Variants in TMEM120B observed in about 807,000 individuals in gnomAD.
TMEM120B encodes the protein transmembrane protein 120B.
A neutral mutation model predicts 55.5 loss-of-function variants in TMEM120B; 31 were observed. The observed-to-expected ratio is 0.56, with a 90% confidence interval of 0.42 to 0.75. The LOEUF (loss-of-function observed/expected upper bound fraction) is 0.75, where lower values mean the gene tolerates loss of function less well. TMEM120B is among the 30% of genes least tolerant of loss of function. The probability of loss-of-function intolerance (pLI) is 0.00; values close to 1 mark genes in which losing one functional copy is unlikely to be tolerated. For missense variants in TMEM120B, 399 were observed against 425.5 expected (o/e 0.94, Z 0.55); for synonymous variants, 203 against 176.3 (o/e 1.15, Z -1.20).
At chr12:121,727,013 C>T (rs1404999035) in intron 1 of TMEM120B, among the ~76,000 whole-genome samples, 1 of 150,544 alleles carries the variant, frequency 6.6e-6, no homozygotes, top group Non-Finnish European at 1.5e-5. Context: ...GCCTGGGCAA[C>T]ATGGCAAACA....
intron 1 of TMEM120B, among the ~76,000 whole-genome samples, chr12:121,741,611 G>A (rs149093067): frequency 3.2e-4 from 49 of 152,202 alleles, no homozygotes; most frequent in Middle Eastern, 3.4e-3. Flanking sequence ...TTACAGGCAT[G>A]AGCCACTGCG....
intron 1 of TMEM120B, among the ~76,000 whole-genome samples, chr12:121,733,053 ATCT>A (rs1437693245): frequency 3.3e-5 from 5 of 151,984 alleles, no homozygotes; most frequent in Non-Finnish European, 7.4e-5. Flanking sequence ...CCCCAGAGAA[ATCT>A]TCTCTAGAGA....
chr12:121,743,480 C>T lies in TMEM120B; in HGVS notation c.70-149C>T, dbSNP rs1454330098. The T allele has an allele frequency of 2.2e-5, 12 of 534,562 alleles. No individual in the cohort carries two copies. The East Asian group carries it at 2.9e-4, about 13-fold the overall frequency. 33.1% of individuals were successfully genotyped at this position (534,562 alleles called of 1,614,324 possible). A position where few individuals can be genotyped will look rare whatever the true frequency, so the allele number is the denominator to read the frequency against. The stretch of plus-strand genomic sequence containing the variant: ...GGCTGAGGCAGGAGAATCGCTTGAA[C>T]CCAGGAGGCGGAGGTTGCAGTGAGC... On this transcript the variant is annotated intron_variant, in intron 1 of 11. Coordinates refer to ENST00000449592, the MANE Select transcript of TMEM120B (RefSeq NM_001080825.2).
intron 1 of TMEM120B, among the ~76,000 whole-genome samples, chr12:121,731,027 C>A (rs74466708): frequency 6.6e-6 from 1 of 151,270 alleles, no homozygotes; most frequent in African/African-American, 2.4e-5. Context: ...TAGTCAAATT[C>A]GTAGAGACAG....
chr12:121,722,280 G>A (rs1894808370), intron 1 of TMEM120B, among the ~76,000 whole-genome samples: 1 of 151,942 alleles, frequency 6.6e-6, no homozygotes, highest in South Asian at 2.1e-4. Flanking sequence ...TTTATTTGTA[G>A]TAGATACGGG....
chr12:121,726,585 AAAAAT>A (rs1215293465), intron 1 of TMEM120B, among the ~76,000 whole-genome samples: 90 of 149,722 alleles, frequency 6.0e-4, no homozygotes, highest in African/African-American at 2.1e-3. Context: ...TCTCAAAAAA[AAAAAT>A]AAAATAAAAT....
At chr12:121,757,894 C>T (rs1289205774) in intron 5 of TMEM120B, among the ~76,000 whole-genome samples, 1 of 152,184 alleles carries the variant, frequency 6.6e-6, no homozygotes, top group Admixed American at 6.5e-5. Flanking sequence ...CTCAAGTGAT[C>T]CACCCACGTT....
intron 4 of TMEM120B, 135 bp from the exon 5 acceptor site, chr12:121,751,992 CT>C (rs1873344705): frequency 1.4e-6 from 1 of 696,300 alleles, no homozygotes; most frequent in East Asian, 2.6e-5. Flanking sequence ...CAGGTCTTTC[CT>C]TTAGTGGAAT....
intron 1 of TMEM120B, among the ~76,000 whole-genome samples, chr12:121,724,619 T>C (rs1196351153): frequency 6.6e-6 from 1 of 151,848 alleles, no homozygotes; most frequent in Non-Finnish European, 1.5e-5. Context: ...AGTTGTGTTT[T>C]TTTTTTTTTG....
chr12:121,730,923 A>C (rs1430616605), intron 1 of TMEM120B, among the ~76,000 whole-genome samples: 1 of 151,834 alleles, frequency 6.6e-6, no homozygotes, highest in African/African-American at 2.4e-5. Flanking sequence ...GCGCCACTGC[A>C]CTCCAGTCTG....
intron 1 of TMEM120B, among the ~76,000 whole-genome samples, chr12:121,713,293 G>C (rs1894635562): frequency 6.6e-6 from 1 of 152,160 alleles, no homozygotes; most frequent in Non-Finnish European, 1.5e-5. Flanking sequence ...GGTTCAAAGA[G>C]AACAGCCCAG....
At chr12:121,767,041 G>A (rs1367805366) in intron 6 of TMEM120B, among the ~76,000 whole-genome samples, 1 of 152,208 alleles carries the variant, frequency 6.6e-6, no homozygotes, top group Non-Finnish European at 1.5e-5. Flanking sequence ...GAAGGGAGAA[G>A]TCTACCCTTG....
At chr12:121,713,053 C>A in intron 1 of TMEM120B, 89 bp downstream of exon 1, 2 of 1,147,676 alleles carry the variant, frequency 1.7e-6, no homozygotes, top group Non-Finnish European at 2.4e-6. Flanking sequence ...GCGGTGGGGA[C>A]AGTCAGGGCC....
At chr12:121,727,225 T>C (rs1252572625) in intron 1 of TMEM120B, among the ~76,000 whole-genome samples, 1 of 151,128 alleles carries the variant, frequency 6.6e-6, no homozygotes, top group Non-Finnish European at 1.5e-5. Context: ...AGCCTCCAAG[T>C]CCCTGGTTTT....
chr12:121,750,940 CCACACT>C (rs1873287820), intron 4 of TMEM120B, among the ~76,000 whole-genome samples: 1 of 103,782 alleles, frequency 9.6e-6, no homozygotes, highest in Non-Finnish European at 2.0e-5. Context: ...ACCCCACACC[CCACACT>C]AACACCCCAC....
rs960939117 is a variant in TMEM120B at position 121,776,564 on chromosome 12, CA to C, written c.*843del. On this transcript the variant is annotated 3_prime_UTR_variant, in exon 12 of 12. Transcript: ENST00000449592. ...TGGGGGTGCCTGGCAGGCTCACCCCCAGGGGCCGCACCCTGAGGCGGGGTCA... is the reference window on the plus strand; with the variant it reads ...TGGGGGTGCCTGGCAGGCTCACCCCCGGGGCCGCACCCTGAGGCGGGGTCA... 5 of 152,212 alleles carry C rather than the reference CA, an allele frequency of 3.3e-5. No individual in the cohort carries two copies. The highest frequency in any genetic ancestry group is 1.2e-4 in the African/African-American group (5 of 41,456). The allele number at this position is 152,212 out of a possible 1,614,324, so 9.4% of individuals were successfully genotyped here. A position where few individuals can be genotyped will look rare whatever the true frequency, so the allele number is the denominator to read the frequency against.
At chr12:121,730,027 G>T (rs1247325143) in intron 1 of TMEM120B, among the ~76,000 whole-genome samples, 7 of 152,106 alleles carry the variant, frequency 4.6e-5, no homozygotes, top group Non-Finnish European at 8.8e-5. Context: ...TTGGGTGGCT[G>T]AGGTGGGCAG....
intron 2 of TMEM120B, among the ~76,000 whole-genome samples, chr12:121,744,986 T>C (rs1339464718): frequency 6.6e-6 from 1 of 152,152 alleles, no homozygotes; most frequent in African/African-American, 2.4e-5. Flanking sequence ...AGTGATTGCT[T>C]CACAGATGGG....
intron 5 of TMEM120B, chr12:121,758,319 C>A: frequency 1.0e-6 from 1 of 985,510 alleles, no homozygotes; most frequent in Non-Finnish European, 1.2e-6. Flanking sequence ...GTCTGCCGGC[C>A]CTCCATGCTG....
Sources: gnomAD v4.1 joint callset for allele counts (sites outside exome capture counted in the v4.1 genomes callset) on GRCh38, gnomAD v4.1.1 for gene constraint, MANE v1.5 for transcripts, NCBI Gene and HGNC (gene_info 2026-07-23, HGNC 2026-07-21) for gene names.